Variants in OTUD7A observed in about 807,000 individuals in gnomAD.
OTUD7A encodes the protein OTU deubiquitinase 7A.
OTUD7A carries 12 observed loss-of-function variants against 65.7 expected under a neutral mutation model. That is an observed-to-expected ratio of 0.18 (90% CI 0.12 to 0.30). OTUD7A has a LOEUF of 0.30. OTUD7A is among the 10% of genes least tolerant of loss of function. The pLI is 1.00. For synonymous variants in OTUD7A, 641 were observed against 586.3 expected (o/e 1.09, Z -1.35); for missense variants, 1,148 against 1,304.8 (o/e 0.88, Z 1.85).
intron 1 of OTUD7A, among the ~76,000 whole-genome samples, chr15:31,797,497 T>A (rs555396348): frequency 9.4e-4 from 143 of 152,294 alleles, no homozygotes; most frequent in African/African-American, 3.3e-3. Flanking sequence ...CCTCTCCCTG[T>A]AGCCTGTCTT....
intron 1 of OTUD7A, among the ~76,000 whole-genome samples, chr15:31,832,050 T>C (rs1291231351): frequency 6.6e-6 from 1 of 152,214 alleles, no homozygotes; most frequent in Admixed American, 6.5e-5. Context: ...CACAGGTGTA[T>C]GGATTTGTCA....
intron 3 of OTUD7A, among the ~76,000 whole-genome samples, chr15:31,587,548 G>C (rs1472082941): frequency 6.6e-6 from 1 of 151,938 alleles, no homozygotes; most frequent in African/African-American, 2.4e-5. Flanking sequence ...GGCTGAGGCA[G>C]GAGAATTGCT....
chr15:31,793,539 A>G (rs903269460), intron 1 of OTUD7A, among the ~76,000 whole-genome samples: 13 of 152,200 alleles, frequency 8.5e-5, no homozygotes, highest in African/African-American at 2.7e-4. Context: ...CCAAAAATAC[A>G]TGTTTCCTTC....
chr15:31,484,114 A>G lies in OTUD7A; in HGVS notation c.1982T>C (p.Ile661Thr). The G allele has an allele frequency of 6.2e-7, 1 of 1,606,570 alleles. No homozygotes were observed. The highest frequency in any genetic ancestry group is 8.5e-7 in the Non-Finnish European group (1 of 1,179,334). Residue 661 changes from isoleucine (I) to threonine (T), a missense_variant, in exon 13 of 13, where the codon ATC (isoleucine) becomes ACC (threonine). Physicochemically the swap from Ile to Thr is moderately conservative, Grantham distance 89. Around this residue, in one of 6 missense-constraint regions of OTUD7A, gnomAD observed 842 missense variants for 769.5 expected, o/e 1.09. Coordinates refer to ENST00000307050, the MANE Select transcript of OTUD7A (RefSeq NM_001382637.1). This position sits in a 1 kb window ranked among gnomAD's most constrained non-coding sequence, Gnocchi z 4.5. ...SHRHQFHEEM[I>T]GYYLTSAQER... ...CTGCGCGCTCGTCAGGTAGTAGCCG[A>G]TCATCTCCTCGTGGAACTGGTGCCG...
chr15:31,766,393 C>A lies in OTUD7A; in HGVS notation c.-100+104114G>T, dbSNP rs185400686. The A allele has an allele frequency of 2.4e-4, 387 of 1,585,912 alleles. 1 individual carries two copies. The African/African-American group carries it at 4.4e-3, about 18-fold the overall frequency. ...CATAACTGTAGAGCATCGATGGCAACCCTCTCTAAATGAGGTTGCAGCAAA... is the reference window on the plus strand; with the variant it reads ...CATAACTGTAGAGCATCGATGGCAAACCTCTCTAAATGAGGTTGCAGCAAA... On this transcript the variant is annotated intron_variant, in intron 1 of 12. Transcript: ENST00000307050.
intron 1 of OTUD7A, among the ~76,000 whole-genome samples, chr15:31,660,334 C>A (rs1213062031): frequency 6.6e-6 from 1 of 152,190 alleles, no homozygotes; most frequent in African/African-American, 2.4e-5. Flanking sequence ...TTGCCAGACG[C>A]CATTGTGACC....
intron 1 of OTUD7A, among the ~76,000 whole-genome samples, chr15:31,701,777 GA>G (rs1461617879): frequency 6.6e-6 from 1 of 152,136 alleles, no homozygotes; most frequent in Non-Finnish European, 1.5e-5. Flanking sequence ...TAGAAGAAAT[GA>G]AAACACTTTC....
Position 31,481,542 on chromosome 15 carries a change from A to G in OTUD7A, c.*1752T>C, listed in dbSNP as rs2041119297. On this transcript the variant is annotated 3_prime_UTR_variant, in exon 13 of 13. Transcript: ENST00000307050. Reference sequence around the variant, plus strand: ...ACATTGAAAATATTGTTCAGCAGGAAAAGTAAAACTTTCAAAAAATTTCTT... The same window carrying G: ...ACATTGAAAATATTGTTCAGCAGGAGAAGTAAAACTTTCAAAAAATTTCTT... The G allele has an allele frequency of 7.1e-6, 1 of 141,522 alleles. No individual in the cohort carries two copies. The highest frequency in any genetic ancestry group is 2.2e-4 in the South Asian group (1 of 4,534). The allele number at this position is 141,522 out of a possible 1,614,324, so 8.8% of individuals were successfully genotyped here. A position where few individuals can be genotyped will look rare whatever the true frequency, so the allele number is the denominator to read the frequency against.
In OTUD7A at chr15:31,832,707, T is replaced by C. The variant is rs148652491; in HGVS notation, c.-100+37800A>G. On this transcript the variant is annotated intron_variant, in intron 1 of 12. Coordinates refer to ENST00000307050, the MANE Select transcript of OTUD7A (RefSeq NM_001382637.1). The stretch of plus-strand genomic sequence containing the variant: ...AAGTGGAATCATTTAGTATGTGTTT[T>C]TTGTGACTGGCTTATTTCACTTAGC... 3.3e-3 allele frequency among the ~76,000 whole-genome samples: 503 copies of C among 152,354 alleles called. 3 individuals carry two copies. The highest frequency in any genetic ancestry group is 0.012 in the African/African-American group (487 of 41,586).
chr15:31,538,933 G>A (rs995084550), intron 5 of OTUD7A, among the ~76,000 whole-genome samples: 1 of 152,074 alleles, frequency 6.6e-6, no homozygotes, highest in Non-Finnish European at 1.5e-5. Context: ...CATGAAGACA[G>A]TATTTAAAAA....
At chr15:31,753,700 T>TA (rs1567004811) in intron 1 of OTUD7A, among the ~76,000 whole-genome samples, 1 of 17,386 alleles carries the variant, frequency 5.8e-5, no homozygotes, top group African/African-American at 1.3e-4. Context: ...TATATATATA[T>TA]ATTATATATA....
intron 8 of OTUD7A, among the ~76,000 whole-genome samples, chr15:31,523,544 C>T (rs2041967152): frequency 6.6e-6 from 1 of 152,158 alleles, no homozygotes; most frequent in African/African-American, 2.4e-5. Flanking sequence ...TAGATGAGTC[C>T]TGAAGCCAGC....
intron 5 of OTUD7A, among the ~76,000 whole-genome samples, chr15:31,551,888 T>A (rs1595603896): frequency 1.3e-5 from 2 of 152,316 alleles, no homozygotes; most frequent in East Asian, 3.9e-4. Flanking sequence ...GGCCTTGTGT[T>A]CCTCATCTTG....
intron 3 of OTUD7A, among the ~76,000 whole-genome samples, chr15:31,632,587 G>T (rs1335158407): frequency 6.6e-6 from 1 of 152,240 alleles, no homozygotes; most frequent in Non-Finnish European, 1.5e-5. Flanking sequence ...CACTTGAGGA[G>T]GCAGTCTGCC....
intron 1 of OTUD7A, among the ~76,000 whole-genome samples, chr15:31,713,165 TCTTA>T (rs1893492663): frequency 6.6e-6 from 1 of 152,214 alleles, no homozygotes; most frequent in African/African-American, 2.4e-5. Flanking sequence ...AAATCTGTCT[TCTTA>T]CTTCACAGTA....
chr15:31,510,149 G>A (rs554796817), intron 8 of OTUD7A, among the ~76,000 whole-genome samples: 73 of 149,582 alleles, frequency 4.9e-4, no homozygotes, highest in Non-Finnish European at 9.2e-4. Flanking sequence ...GGTGGGATTT[G>A]CATGGCTGTA....
chr15:31,699,111 G>A (rs1281889605), intron 1 of OTUD7A, among the ~76,000 whole-genome samples: 2 of 143,094 alleles, frequency 1.4e-5, no homozygotes, highest in Non-Finnish European at 3.0e-5. Context: ...ATGGAGTCTC[G>A]CTTTGCCACC....
chr15:31,678,854 G>C (rs979081252), intron 1 of OTUD7A, among the ~76,000 whole-genome samples: 1 of 152,234 alleles, frequency 6.6e-6, no homozygotes, highest in Non-Finnish European at 1.5e-5. Context: ...TGTGAGAAGA[G>C]AGCCACTATT....
chr15:31,566,822 C>G (rs1428582339), intron 4 of OTUD7A, among the ~76,000 whole-genome samples: 3 of 152,162 alleles, frequency 2.0e-5, no homozygotes, highest in Non-Finnish European at 4.4e-5. Context: ...TGCCTGTTCC[C>G]TCTTTGGGAT....
Sources: allele counts gnomAD v4.1 joint callset (sites outside exome capture counted in the v4.1 genomes callset), GRCh38; gene constraint gnomAD v4.1.1; regional missense constraint gnomAD v4.1.1; non-coding constraint Gnocchi (gnomAD v3.1); transcripts MANE v1.5; gene names NCBI Gene and HGNC (gene_info 2026-07-23, HGNC 2026-07-21).